The following DACT1 variants were observed in gnomAD, a reference collection of about 807,000 sequenced individuals.
The protein encoded by DACT1 is dishevelled binding antagonist of beta catenin 1.
In DACT1, 19 loss-of-function variants were observed where a neutral mutation model predicts 35.3. The observed-to-expected ratio is 0.54, with a 90% CI of 0.38 to 0.79. The LOEUF (loss-of-function observed/expected upper bound fraction) is 0.79. DACT1 is among the 30% of genes least tolerant of loss of function. DACT1 has a pLI of 0.00. For missense variants in DACT1, 1,143 were observed against 1,057.5 expected (o/e 1.08, Z -1.12); for synonymous variants, 545 against 466.7 (o/e 1.17, Z -2.16).
chr14:58,637,425 GT>G (rs2047580707), upstream of DACT1, among the ~76,000 whole-genome samples: 1 of 152,266 alleles, frequency 6.6e-6, no homozygotes, highest in South Asian at 2.1e-4. Flanking sequence ...ACAAAGTGGA[GT>G]TAAGGAACCA....
At position 58,645,811 on chromosome 14, in the gene DACT1, A is replaced by T. The variant is rs1235065271; in HGVS notation, c.1077A>T (p.Lys359Asn). Residue 359 changes from lysine (K) to asparagine (N), a missense_variant, in exon 4 of 4, where the codon AAA (lysine) becomes AAT (asparagine). Lys to Asn is a moderately conservative substitution (Grantham distance 94). Coordinates refer to ENST00000395153, the MANE Select transcript of DACT1 (RefSeq NM_001079520.2). ...ACAGTGTGAACCTTAAGAATTCGAA[A>T]CAGGCGTGTCTGCCCTCTGGCGGGA... ...QGNSVNLKNSKQACLPSGGIP... is the reference protein window; with the variant it reads ...QGNSVNLKNSNQACLPSGGIP... 5 of 1,614,238 alleles carry T rather than the reference A, an allele frequency of 3.1e-6. No individual in the cohort carries two copies. The highest frequency in any genetic ancestry group is 4.2e-6 in the Non-Finnish European group (5 of 1,180,042).
upstream of DACT1, among the ~76,000 whole-genome samples, chr14:58,635,757 AGT>A (rs2047569001): frequency 6.6e-6 from 1 of 152,186 alleles, no homozygotes; most frequent in Admixed American, 6.5e-5. Context: ...ATTTATTAGT[AGT>A]GTGTAAAAAT....
Position 58,647,240 on chromosome 14 carries a change from CT to C in DACT1, c.*111del. 2 of 1,334,602 alleles carry C rather than the reference CT, an allele frequency of 1.5e-6. No homozygotes were observed. The highest frequency in any genetic ancestry group is 2.1e-6 in the Non-Finnish European group (2 of 963,608). 82.7% of individuals were successfully genotyped at this position (1,334,602 alleles called of 1,614,324 possible). On this transcript the variant is annotated 3_prime_UTR_variant, in exon 4 of 4. Coordinates refer to ENST00000395153, the MANE Select transcript of DACT1 (RefSeq NM_001079520.2). ...TTTTGTATAATACTTTAATGGAATGCTTTTTAAAAAAATATAAAACCAAGGT... is the reference window on the plus strand; with the variant it reads ...TTTTGTATAATACTTTAATGGAATGCTTTTAAAAAAATATAAAACCAAGGT...
intron 3 of DACT1, among the ~76,000 whole-genome samples, chr14:58,642,595 G>T (rs926049227): frequency 6.6e-6 from 1 of 152,190 alleles, no homozygotes; most frequent in African/African-American, 2.4e-5. Flanking sequence ...TTGAGAGGCT[G>T]AGGCAATAGA....
rs754847137 is a variant in DACT1 at position 58,646,633 on chromosome 14, G to A, written c.1899G>A (p.Lys633=). 33 of 1,610,980 alleles carry A rather than the reference G, an allele frequency of 2.0e-5. No individual in the cohort carries two copies. The highest frequency in any genetic ancestry group is 2.4e-5 in the Non-Finnish European group (28 of 1,179,038). The change falls in exon 4 of 4, where the codon AAG becomes AAA. Residue 633 remains lysine, a synonymous_variant. Transcript: ENST00000395153. ...HGREAVVAKP[K]HKRTDYRRWK... is the part of the protein sequence containing the mutation. ...GGGAGGCGGTGGTGGCCAAACCTAA[G>A]CACAAGCGAACTGACTACCGGCGGT... is the stretch of plus-strand genomic sequence containing the variant.
upstream of DACT1, among the ~76,000 whole-genome samples, chr14:58,635,496 T>TGTGTAATG (rs2047567283): frequency 6.6e-6 from 1 of 152,240 alleles, no homozygotes; most frequent in African/African-American, 2.4e-5. Context: ...TATTTATTAA[T>TGTGTAATG]GTGTAATGGA....
At chr14:58,644,996 C>G (rs552299349) in intron 3 of DACT1, among the ~76,000 whole-genome samples, 20 of 152,138 alleles carry the variant, frequency 1.3e-4, no homozygotes, top group African/African-American at 4.6e-4. Flanking sequence ...AAAGTGTTTT[C>G]CCTCTATTAT....
chr14:58,637,625 C>T (rs1235676466), upstream of DACT1, among the ~76,000 whole-genome samples: 1 of 152,230 alleles, frequency 6.6e-6, no homozygotes, highest in East Asian at 1.9e-4. Context: ...CCTGCCTGCG[C>T]GGCCGACTGT....
chr14:58,638,922 A>G, intron 1 of DACT1: 3 of 1,001,794 alleles, frequency 3.0e-6, no homozygotes, highest in Non-Finnish European at 3.6e-6. Context: ...CACTTAAAAT[A>G]CCATTTTATT....
Position 58,646,282 on chromosome 14 carries a change from C to T in DACT1, c.1548C>T (p.His516=), listed in dbSNP as rs1360509718. ...CTTCCCAAAGCCTGGAGGAAGCGCA[C>T]CTGGTCAAGGCCCAGTTTATCCCGG... The part of the protein sequence containing the change: ...EGSSQSLEEA[H]LVKAQFIPGQ... Residue 516 remains histidine (H), a synonymous_variant, in exon 4 of 4, where the codon CAC becomes CAT. Transcript: ENST00000395153. 1 of 1,613,090 alleles carries T rather than the reference C, an allele frequency of 6.2e-7. No individual in the cohort carries two copies. The highest frequency in any genetic ancestry group is 1.3e-5 in the African/African-American group (1 of 74,856).
Position 58,638,296 on chromosome 14 carries a change from C to T in DACT1, c.94C>T (p.Arg32Trp), listed in dbSNP as rs1196258237. 1.5e-6 allele frequency: 2 copies of T among 1,345,700 alleles called. No individual in the cohort carries two copies. The highest frequency in any genetic ancestry group is 1.9e-6 in the Non-Finnish European group (2 of 1,052,552). The allele number at this position is 1,345,700 out of a possible 1,614,324, so 83.4% of individuals were successfully genotyped here. Residue 32 changes from arginine to tryptophan, a missense_variant, in exon 1 of 4, where the codon CGG becomes TGG. Transcript: ENST00000395153. ...CACGGCGGAGCCCGAGGGGCGCTGG[C>T]GGGAGAAGGGCGAGGCAGACACCGA... is the stretch of plus-strand genomic sequence containing the variant. ...QRTAEPEGRW[R>W]EKGEADTERQ...
chr14:58,638,292 C>G lies in DACT1; in HGVS notation c.90C>G (p.Arg30=). Residue 30 remains arginine (R), a synonymous_variant, in exon 1 of 4, where the codon CGC becomes CGG. Transcript: ENST00000395153. ...GEQRTAEPEG[R]WREKGEADTE... is the part of the protein sequence containing the mutation. ...AGCGCACGGCGGAGCCCGAGGGGCG[C>G]TGGCGGGAGAAGGGCGAGGCAGACA... The G allele has an allele frequency of 7.4e-7, 1 of 1,347,984 alleles. No individual in the cohort carries two copies. Among genetic ancestry groups the G allele is most frequent in the Non-Finnish European group, 9.5e-7 (1 of 1,053,650 alleles). The allele number at this position is 1,347,984 out of a possible 1,614,324, so 83.5% of individuals were successfully genotyped here.
Position 58,640,881 on chromosome 14 carries a change from G to A in DACT1, c.478+13G>A, listed in dbSNP as rs2047620474. On this transcript the variant is annotated intron_variant, in intron 2 of 3. Coordinates refer to ENST00000395153, the MANE Select transcript of DACT1 (RefSeq NM_001079520.2). ...CGGCCTAGCTCAGGTGAGTGATTGA[G>A]CACAAGGACAGAATTCTGCACTCTT... 2 of 1,614,022 alleles carry A rather than the reference G, an allele frequency of 1.2e-6. No homozygotes were observed. Among genetic ancestry groups the A allele is most frequent in the Non-Finnish European group, 1.7e-6 (2 of 1,179,942 alleles).
chr14:58,645,465 C>G lies in DACT1; in HGVS notation c.731C>G (p.Pro244Arg). 1.1e-5 allele frequency: 17 copies of G among 1,614,174 alleles called. No homozygotes were observed. Among genetic ancestry groups the G allele is most frequent in the Non-Finnish European group, 1.4e-5 (16 of 1,180,040 alleles). The change falls in exon 4 of 4, where the codon CCA (proline) becomes CGA (arginine). Residue 244 changes from proline to arginine, a missense_variant. By Grantham distance (103) the Pro-to-Arg change is moderately radical (BLOSUM62 -2). This residue lies in a region of DACT1 where 1,054 missense variants were observed against 958.8 expected (regional missense o/e 1.10). Coordinates refer to ENST00000395153, the MANE Select transcript of DACT1 (RefSeq NM_001079520.2). The part of the protein sequence containing the change: ...SPLHAVAVQS[P>R]MFLLCLTGNP... Reference sequence around the variant, plus strand: ...CTTCATGCTGTGGCTGTGCAGAGCCCAATGTTTCTCCTTTGTCTGACGGGC... The same window carrying G: ...CTTCATGCTGTGGCTGTGCAGAGCCGAATGTTTCTCCTTTGTCTGACGGGC...
In DACT1 at chr14:58,645,746, A is replaced by G. The variant is rs372987204; in HGVS notation, c.1012A>G (p.Ser338Gly). 167 of 1,614,144 alleles carry G rather than the reference A, an allele frequency of 1.0e-4. No homozygotes were observed. Among genetic ancestry groups the G allele is most frequent in the Admixed American group, 1.5e-4 (9 of 60,018 alleles). The change falls in exon 4 of 4, where the codon AGC becomes GGC. Residue 338 changes from serine (S) to glycine (G), a missense_variant. Transcript: ENST00000395153. ...DPTKGLLRNG[S>G]VCVRAPGGVS... ...CACGAAAGGGCTTCTGAGGAACGGG[A>G]GCGTTTGTGTCAGAGCCCCGGGCGG...
upstream of DACT1, among the ~76,000 whole-genome samples, chr14:58,635,294 C>T (rs1595593328): frequency 2.0e-5 from 3 of 152,242 alleles, no homozygotes; most frequent in East Asian, 5.8e-4. Flanking sequence ...AAAGAAAATC[C>T]AGGCAACTAG....
Position 58,646,999 on chromosome 14 carries a change from C to T in DACT1, c.2265C>T (p.Pro755=), listed in dbSNP as rs1029223310. ...LIWSQFVQTL[P]IQTVTAPDLH... ...GGTCCCAGTTTGTCCAGACTCTGCC[C>T]ATTCAAACGGTAACGGCCCCAGACC... Residue 755 remains proline (P), a synonymous_variant, in exon 4 of 4, where the codon CCC becomes CCT. Coordinates refer to ENST00000395153, the MANE Select transcript of DACT1 (RefSeq NM_001079520.2). 3 of 1,614,196 alleles carry T rather than the reference C, an allele frequency of 1.9e-6. No homozygotes were observed. Among genetic ancestry groups the T allele is most frequent in the Admixed American group, 1.7e-5 (1 of 60,026 alleles).
rs776160196 is a variant in DACT1, at chr14:58,645,807, C to T, written c.1073C>T (p.Ser358Leu). 10 of 1,614,134 alleles carry T rather than the reference C, an allele frequency of 6.2e-6. No individual in the cohort carries two copies. Among genetic ancestry groups the T allele is most frequent in the African/African-American group, 2.7e-5 (2 of 74,954 alleles). The stretch of plus-strand genomic sequence containing the variant: ...GGCAACAGTGTGAACCTTAAGAATT[C>T]GAAACAGGCGTGTCTGCCCTCTGGC... Reference protein sequence around the residue: ...SQGNSVNLKNSKQACLPSGGI... With the variant: ...SQGNSVNLKNLKQACLPSGGI... The change falls in exon 4 of 4, where the codon TCG becomes TTG. Residue 358 changes from serine (S) to leucine (L), a missense_variant. Ser to Leu is a moderately radical substitution (Grantham distance 145, BLOSUM62 -2). Coordinates refer to ENST00000395153, the MANE Select transcript of DACT1 (RefSeq NM_001079520.2).
chr14:58,638,757 G>A (rs1222369210), intron 1 of DACT1: 131 of 1,195,772 alleles, frequency 1.1e-4, no homozygotes, highest in Non-Finnish European at 1.3e-4. Flanking sequence ...GCGTGTGCCC[G>A]CTTTGTGTCT....
Sources: gnomAD v4.1 joint callset for allele counts (sites outside exome capture counted in the v4.1 genomes callset) on GRCh38, gnomAD v4.1.1 for gene constraint, gnomAD v4.1.1 regional missense constraint, MANE v1.5 for transcripts, NCBI Gene and HGNC (gene_info 2026-07-23, HGNC 2026-07-21) for gene names.